The following KDM4C variants were observed in gnomAD, a reference collection of about 807,000 sequenced individuals.
KDM4C encodes lysine demethylase 4C.
KDM4C carries 81 observed loss-of-function variants against 129.3 expected under a neutral mutation model. The observed-to-expected ratio is 0.63, with a 90% CI of 0.52 to 0.75. The LOEUF is 0.75. Ranked by LOEUF, KDM4C falls within the 30% of genes least tolerant of loss-of-function variation. The probability of loss-of-function intolerance (pLI) is 0.00; values close to 1 mark genes in which losing one functional copy is unlikely to be tolerated. For missense variants in KDM4C, 1,457 were observed against 1,304.0 expected (o/e 1.12, Z -1.81); for synonymous variants, 573 against 456.1 (o/e 1.26, Z -3.26).
At chr9:7,044,818 G>A (rs1829156075) in intron 15 of KDM4C, among the ~76,000 whole-genome samples, 1 of 151,898 alleles carries the variant, frequency 6.6e-6, no homozygotes, top group Non-Finnish European at 1.5e-5. Flanking sequence ...AAGTAATAGG[G>A]CCTATTACAG....
chr9:7,079,912 C>A lies in KDM4C; in HGVS notation c.2425-23773C>A, dbSNP rs151247273. On this transcript the variant is annotated intron_variant, in intron 17 of 21. Coordinates refer to ENST00000381309, the MANE Select transcript of KDM4C (RefSeq NM_015061.6). The stretch of plus-strand genomic sequence containing the variant: ...ACCTTGGAAGGGGCTGCTGGTTCTC[C>A]TTTCCCACAACTTCTTTTGCTTTAC... Among the ~76,000 whole-genome samples the A allele has an allele frequency of 2.9e-3, 449 of 152,276 alleles. 1 individual carries two copies. Among genetic ancestry groups the A allele is most frequent in the Non-Finnish European group, 5.0e-3 (343 of 68,026 alleles).
chr9:7,013,571 A>G (rs1287101458), intron 13 of KDM4C, among the ~76,000 whole-genome samples: 1 of 152,230 alleles, frequency 6.6e-6, no homozygotes, highest in African/African-American at 2.4e-5. Flanking sequence ...ATGAACAGAC[A>G]TATAGAATAT....
chr9:7,128,662 G>A (rs1257973226), intron 19 of KDM4C, among the ~76,000 whole-genome samples: 1 of 152,098 alleles, frequency 6.6e-6, no homozygotes, highest in Non-Finnish European at 1.5e-5. Flanking sequence ...AATCTGACTC[G>A]ACAGTGTATT....
At chr9:7,057,257 C>A (rs1346729295) in intron 17 of KDM4C, among the ~76,000 whole-genome samples, 1 of 152,108 alleles carries the variant, frequency 6.6e-6, no homozygotes, top group South Asian at 2.1e-4. Context: ...AGGTGTGGTC[C>A]CACAATTAAG....
intron 17 of KDM4C, among the ~76,000 whole-genome samples, chr9:7,080,335 G>C (rs1354999005): frequency 6.6e-6 from 1 of 152,200 alleles, no homozygotes; most frequent in Non-Finnish European, 1.5e-5. Flanking sequence ...CACTTTGTCA[G>C]CCTAGGCCCC....
intron 2 of KDM4C, among the ~76,000 whole-genome samples, chr9:6,798,564 A>G (rs919385051): frequency 3.3e-5 from 5 of 152,298 alleles, no homozygotes; most frequent in Non-Finnish European, 5.9e-5. Flanking sequence ...GGGTAAGGTC[A>G]TAGATCAACA....
intron 4 of KDM4C, among the ~76,000 whole-genome samples, chr9:6,819,317 A>G (rs113064172): frequency 2.0e-5 from 3 of 152,208 alleles, no homozygotes; most frequent in Non-Finnish European, 2.9e-5. Context: ...CCATTTACTC[A>G]TTGGCATTTC....
intron 8 of KDM4C, among the ~76,000 whole-genome samples, chr9:6,955,693 T>A (rs554663340): frequency 6.6e-6 from 1 of 152,330 alleles, no homozygotes; most frequent in African/African-American, 2.4e-5. Flanking sequence ...ATAGTTATAA[T>A]CTTTTGGCTC....
chr9:6,990,970 G>A (rs1446538498), intron 12 of KDM4C, among the ~76,000 whole-genome samples: 1 of 152,066 alleles, frequency 6.6e-6, no homozygotes, highest in Non-Finnish European at 1.5e-5. Flanking sequence ...AACTGGTGTG[G>A]GGTGAAACAT....
intron 8 of KDM4C, among the ~76,000 whole-genome samples, chr9:6,942,048 A>T (rs1826043787): frequency 6.6e-6 from 1 of 152,212 alleles, no homozygotes; most frequent in Non-Finnish European, 1.5e-5. Flanking sequence ...CTCTTTTAAA[A>T]AGGGTTCCAA....
At chr9:6,783,956 A>G (rs72699660) in intron 1 of KDM4C, among the ~76,000 whole-genome samples, 14,834 of 152,140 alleles carry the variant, frequency 0.098, 844 homozygotes, top group Non-Finnish European at 0.11. Flanking sequence ...GGGTGAGTCT[A>G]GGAGGGGACA....
chr9:7,037,601 A>T (rs1464287513), intron 15 of KDM4C, among the ~76,000 whole-genome samples: 1 of 152,188 alleles, frequency 6.6e-6, no homozygotes. Context: ...AATTTTAAAA[A>T]TAGCTGGCAT....
intron 1 of KDM4C, among the ~76,000 whole-genome samples, chr9:6,786,277 T>C (rs1211337128): frequency 6.6e-6 from 1 of 152,222 alleles, no homozygotes; most frequent in Non-Finnish European, 1.5e-5. Context: ...AGAGTAGATG[T>C]TTGTCCTTTA....
chr9:6,733,965 C>A (rs1159963634), intron 1 of KDM4C, among the ~76,000 whole-genome samples: 2 of 152,130 alleles, frequency 1.3e-5, no homozygotes, highest in Admixed American at 1.3e-4. Context: ...TGGGTTTTAG[C>A]CGGCGTCTTT....
At chr9:6,926,511 G>A (rs966409336) in intron 8 of KDM4C, among the ~76,000 whole-genome samples, 3 of 152,136 alleles carry the variant, frequency 2.0e-5, no homozygotes, top group Admixed American at 2.0e-4. Context: ...GCTTATAGCA[G>A]CAAGCAGTTA....
intron 8 of KDM4C, among the ~76,000 whole-genome samples, chr9:6,946,654 C>T (rs979994594): frequency 2.0e-5 from 3 of 151,990 alleles, no homozygotes; most frequent in Non-Finnish European, 4.4e-5. Flanking sequence ...TGTCTGTGTG[C>T]ATACACAGTG....
Position 6,981,138 on chromosome 9 carries a change from C to T in KDM4C, c.1115+20C>T. On this transcript the variant is annotated intron_variant, in intron 9 of 21. Coordinates refer to ENST00000381309, the MANE Select transcript of KDM4C (RefSeq NM_015061.6). ...CCGAAGGTAATGACCCCTCACCCCA[C>T]TGACCTGCCTTGCCTGTCGTGTTTT... is the stretch of plus-strand genomic sequence containing the variant. The T allele has an allele frequency of 6.3e-7, 1 of 1,579,612 alleles. No homozygotes were observed. Among genetic ancestry groups the T allele is most frequent in the Non-Finnish European group, 8.6e-7 (1 of 1,164,822 alleles).
intron 8 of KDM4C, among the ~76,000 whole-genome samples, chr9:6,934,284 A>G (rs1824315604): frequency 6.6e-6 from 1 of 151,740 alleles, no homozygotes; most frequent in Admixed American, 6.6e-5. Context: ...GATTGAGACT[A>G]TCCTGGCTAA....
chr9:7,045,167 A>T (rs751273453), intron 15 of KDM4C, among the ~76,000 whole-genome samples: 2 of 152,034 alleles, frequency 1.3e-5, no homozygotes, highest in Non-Finnish European at 2.9e-5. Context: ...GAACATGTGT[A>T]CCTGTTAATG....
Sources: allele counts gnomAD v4.1 joint callset (sites outside exome capture counted in the v4.1 genomes callset), GRCh38; gene constraint gnomAD v4.1.1; transcripts MANE v1.5; gene names NCBI Gene and HGNC (gene_info 2026-07-23, HGNC 2026-07-21).